The following TIMP3 variants were observed in gnomAD, a reference collection of about 807,000 sequenced individuals.
TIMP3 encodes the protein metalloproteinase inhibitor 3.
A neutral mutation model predicts 30.0 loss-of-function variants in TIMP3; 11 were observed. The observed-to-expected ratio is 0.37, with a 90% CI of 0.23 to 0.61. TIMP3 has a LOEUF of 0.61. Ranked by LOEUF, TIMP3 falls within the 20% of genes least tolerant of loss-of-function variation. The probability of loss-of-function intolerance (pLI) is 0.70; values close to 1 mark genes in which losing one functional copy is unlikely to be tolerated. For synonymous variants in TIMP3, 112 were observed against 111.3 expected (o/e 1.01, Z -0.04); for missense variants, 181 against 276.8 (o/e 0.65, Z 2.45).
chr22:32,835,508 G>A, intron 1 of TIMP3, among the ~76,000 whole-genome samples: 1 of 152,078 alleles, frequency 6.6e-6, no homozygotes, highest in Non-Finnish European at 1.5e-5. Context: ...GTGAGGAAGT[G>A]TTTTTTGATT....
chr22:32,820,779 A>T (rs936302560), intron 1 of TIMP3, among the ~76,000 whole-genome samples: 23 of 152,198 alleles, frequency 1.5e-4, no homozygotes, highest in Admixed American at 6.5e-5. Flanking sequence ...TACCTATTTG[A>T]AAGCCAAGTC....
In TIMP3 at chr22:32,859,279, A is replaced by G; in HGVS notation, c.538A>G (p.Lys180Glu). 1 of 1,614,192 alleles carries G rather than the reference A, an allele frequency of 6.2e-7. No individual in the cohort carries two copies. The highest frequency in any genetic ancestry group is 1.1e-5 in the South Asian group (1 of 91,080). The change falls in exon 5 of 5, where the codon AAA becomes GAA. Residue 180 changes from lysine to glutamate, a missense_variant. Physicochemically the swap from Lys to Glu is moderately conservative, Grantham distance 56. This residue lies in a region of TIMP3 where 47 missense variants were observed against 63.8 expected (regional missense o/e 0.74). Coordinates refer to ENST00000266085, the MANE Select transcript of TIMP3 (RefSeq NM_000362.5). ...TTTCGGTTACCCTGGCTACCAGTCC[A>G]AACACTACGCCTGCATCCGGCAGAA... Reference protein sequence around the residue: ...SNFGYPGYQSKHYACIRQKGG... With the variant: ...SNFGYPGYQSEHYACIRQKGG...
intron 1 of TIMP3, among the ~76,000 whole-genome samples, chr22:32,840,187 G>C (rs2047853457): frequency 6.6e-6 from 1 of 152,192 alleles, no homozygotes; most frequent in Non-Finnish European, 1.5e-5. Flanking sequence ...TTTTCTGAGT[G>C]TGTGTCTTTG....
chr22:32,819,645 C>T (rs1169033122), intron 1 of TIMP3, among the ~76,000 whole-genome samples: 2 of 152,130 alleles, frequency 1.3e-5, no homozygotes, highest in Non-Finnish European at 2.9e-5. Flanking sequence ...CATAGATCTG[C>T]CCTTCCCCCT....
At chr22:32,856,206 G>A (rs1481269860) in intron 2 of TIMP3, among the ~76,000 whole-genome samples, 1 of 152,132 alleles carries the variant, frequency 6.6e-6, no homozygotes, top group Non-Finnish European at 1.5e-5. Context: ...CAGGTCCTAA[G>A]GTTGACAAAG....
rs781591808 is a variant in TIMP3 at position 32,857,279 on chromosome 22, G to A, written c.235G>A (p.Val79Met). 1.2e-6 allele frequency: 2 copies of A among 1,613,998 alleles called. No individual in the cohort carries two copies. Among genetic ancestry groups the A allele is most frequent in the East Asian group, 4.5e-5 (2 of 44,876 alleles). The change falls in exon 3 of 5, where the codon GTG becomes ATG. Residue 79 changes from valine to methionine, a missense_variant. By Grantham distance (21) the Val-to-Met change is conservative (BLOSUM62 1). This residue lies in a region of TIMP3 where 63 missense variants were observed against 133.3 expected (regional missense o/e 0.47). Transcript: ENST00000266085. ...CCGAGGCTTCACCAAGATGCCCCAT[G>A]TGCAGTACATCCATACGGAAGCTTC... ...MYRGFTKMPHVQYIHTEASES... is the reference protein window; with the variant it reads ...MYRGFTKMPHMQYIHTEASES...
chr22:32,802,973 A>G (rs774321908), intron 1 of TIMP3, among the ~76,000 whole-genome samples: 30 of 152,162 alleles, frequency 2.0e-4, no homozygotes, highest in Non-Finnish European at 3.7e-4. Flanking sequence ...GAGACCCTGT[A>G]AAGAGACCTC....
rs191103089 is a variant in TIMP3 at position 32,832,228 on chromosome 22, T to C, written c.122-17224T>C. ...AAGTTTGACTTTTCAGAAATGTGAT[T>C]TTAGAACATAGCAAACAGGAAGCAC... On this transcript the variant is annotated intron_variant, in intron 1 of 4. Transcript: ENST00000266085. Among the ~76,000 whole-genome samples the C allele has an allele frequency of 1.4e-3, 215 of 152,282 alleles. 1 individual carries two copies. The highest frequency in any genetic ancestry group is 5.1e-3 in the African/African-American group (211 of 41,544).
At chr22:32,839,711 C>T (rs976578616) in intron 1 of TIMP3, among the ~76,000 whole-genome samples, 3 of 152,106 alleles carry the variant, frequency 2.0e-5, no homozygotes, top group Non-Finnish European at 4.4e-5. Flanking sequence ...CTAGAAGGAG[C>T]GACTCTTAAA....
chr22:32,841,656 G>A (rs1031067034), intron 1 of TIMP3, among the ~76,000 whole-genome samples: 3 of 146,368 alleles, frequency 2.0e-5, no homozygotes, highest in African/African-American at 7.7e-5. Flanking sequence ...TCATCAGGGA[G>A]GGGAACAACA....
At position 32,858,138 on chromosome 22, in the gene TIMP3, G is replaced by A. The variant is rs754433006; in HGVS notation, c.438G>A (p.Lys146=). ...NYRYHLGCNC[K]IKSCYYLPCF... ...GGTATCACCTGGGTTGTAACTGCAA[G>A]GTAAGCTCTGGGGTCACTGGGGGAA... Residue 146 remains lysine, a splice_region_variant and synonymous_variant, in exon 4 of 5, where the codon AAG becomes AAA. Transcript: ENST00000266085. The A allele has an allele frequency of 2.5e-6, 4 of 1,613,684 alleles. No individual in the cohort carries two copies. The Admixed American group carries it at 5.0e-5, about 20-fold the overall frequency.
At chr22:32,821,802 A>G (rs1156752740) in intron 1 of TIMP3, among the ~76,000 whole-genome samples, 1 of 152,300 alleles carries the variant, frequency 6.6e-6, no homozygotes, top group South Asian at 2.1e-4. Context: ...TGCAAGACAA[A>G]GAGGGCCTCA....
intron 1 of TIMP3, among the ~76,000 whole-genome samples, chr22:32,834,985 C>T (rs974898752): frequency 6.6e-6 from 1 of 152,214 alleles, no homozygotes; most frequent in Non-Finnish European, 1.5e-5. Context: ...CAGTCCTCAG[C>T]CATGTGACCT....
At chr22:32,857,682 T>C (rs368827166) in intron 3 of TIMP3, among the ~76,000 whole-genome samples, 28 of 152,326 alleles carry the variant, frequency 1.8e-4, no homozygotes, top group East Asian at 5.8e-4. Context: ...TTGAAAGTTA[T>C]TCATCTTTAG....
At chr22:32,832,732 C>T (rs193178817) in intron 1 of TIMP3, among the ~76,000 whole-genome samples, 91 of 151,846 alleles carry the variant, frequency 6.0e-4, no homozygotes, top group Non-Finnish European at 8.8e-4. Context: ...GATATACTCG[C>T]CCCTCTCTTT....
chr22:32,825,141 T>G (rs2047364844), intron 1 of TIMP3, among the ~76,000 whole-genome samples: 1 of 151,352 alleles, frequency 6.6e-6, no homozygotes, highest in African/African-American at 2.4e-5. Context: ...GGGCAGTGGG[T>G]GGGAGGACTT....
At chr22:32,829,833 T>C (rs906812230) in intron 1 of TIMP3, among the ~76,000 whole-genome samples, 4 of 152,232 alleles carry the variant, frequency 2.6e-5, no homozygotes, top group Admixed American at 2.0e-4. Context: ...CGTACCACTT[T>C]TGGCCCAACC....
intron 1 of TIMP3, among the ~76,000 whole-genome samples, chr22:32,841,823 A>T (rs1445310519): frequency 6.6e-6 from 1 of 152,138 alleles, no homozygotes; most frequent in Non-Finnish European, 1.5e-5. Flanking sequence ...CATCCTGCAC[A>T]TGTACCCCAG....
At chr22:32,827,203 C>T (rs191068046) in intron 1 of TIMP3, among the ~76,000 whole-genome samples, 144 of 152,312 alleles carry the variant, frequency 9.5e-4, no homozygotes, top group Non-Finnish European at 1.8e-3. Context: ...AGTGACTTTG[C>T]GTGGAGTGTC....
Sources: allele counts gnomAD v4.1 joint callset (sites outside exome capture counted in the v4.1 genomes callset), GRCh38; gene constraint gnomAD v4.1.1; regional missense constraint gnomAD v4.1.1; transcripts MANE v1.5; gene names NCBI Gene and HGNC (gene_info 2026-07-23, HGNC 2026-07-21).